Variants in PLD5 observed in about 807,000 individuals in gnomAD.
PLD5 encodes the protein inactive phospholipase D5.
A neutral mutation model predicts 61.1 loss-of-function variants in PLD5; 36 were observed. That is an observed-to-expected ratio of 0.59 (90% CI 0.45 to 0.78). The LOEUF is 0.78. PLD5 is among the 30% of genes least tolerant of loss of function. PLD5 has a pLI of 0.00. For missense variants in PLD5, 515 were observed against 644.4 expected (o/e 0.80, Z 2.17); for synonymous variants, 243 against 242.8 (o/e 1.00, Z -0.01).
chr1:242,159,226 T>C (rs1012526801), intron 5 of PLD5, among the ~76,000 whole-genome samples: 1 of 152,152 alleles, frequency 6.6e-6, no homozygotes, highest in African/African-American at 2.4e-5. Flanking sequence ...GTGTTGGATA[T>C]AGAAAGGTAA....
chr1:242,426,891 G>A (rs747101529), intron 1 of PLD5, among the ~76,000 whole-genome samples: 5 of 152,128 alleles, frequency 3.3e-5, no homozygotes, highest in Non-Finnish European at 5.9e-5. Context: ...AGTGATGTGC[G>A]CCACCACCAG....
chr1:242,367,124 T>TA (rs1452508564), intron 1 of PLD5, among the ~76,000 whole-genome samples: 1 of 152,036 alleles, frequency 6.6e-6, no homozygotes, highest in African/African-American at 2.4e-5. Flanking sequence ...CCCCATCTTA[T>TA]AAAAAAATTC....
intron 1 of PLD5, among the ~76,000 whole-genome samples, chr1:242,466,690 C>T (rs1057137321): frequency 1.3e-4 from 20 of 152,118 alleles, no homozygotes; most frequent in South Asian, 4.2e-4. Context: ...TTAAGGAGTT[C>T]GAGACCAGCC....
intron 4 of PLD5, among the ~76,000 whole-genome samples, chr1:242,264,458 T>G (rs1341978993): frequency 3.3e-5 from 5 of 152,230 alleles, no homozygotes; most frequent in Non-Finnish European, 7.3e-5. Context: ...GAAGGGCCGC[T>G]GGGGCTCACT....
chr1:242,300,578 G>T (rs558663689), intron 2 of PLD5, among the ~76,000 whole-genome samples: 1 of 152,136 alleles, frequency 6.6e-6, no homozygotes, highest in Admixed American at 6.5e-5. Flanking sequence ...GAGTTGGGGG[G>T]ACGGCAAAGG....
At chr1:242,168,864 T>C (rs1666531930) in intron 5 of PLD5, among the ~76,000 whole-genome samples, 1 of 142,010 alleles carries the variant, frequency 7.0e-6, no homozygotes, top group African/African-American at 2.5e-5. Flanking sequence ...TTTTTTTTTT[T>C]TTACCACCCC....
intron 1 of PLD5, among the ~76,000 whole-genome samples, chr1:242,381,311 C>T (rs1375943639): frequency 6.6e-6 from 1 of 152,136 alleles, no homozygotes; most frequent in South Asian, 2.1e-4. Flanking sequence ...GAAAACCAAA[C>T]ACCGCATGTT....
chr1:242,510,745 C>T (rs1329396987), intron 1 of PLD5, among the ~76,000 whole-genome samples: 4 of 151,326 alleles, frequency 2.6e-5, no homozygotes, highest in South Asian at 2.1e-4. Flanking sequence ...CTCAGGAGGC[C>T]GAGGCAGGAG....
chr1:242,151,447 G>A (rs1038592605), intron 5 of PLD5, among the ~76,000 whole-genome samples: 8 of 151,806 alleles, frequency 5.3e-5, no homozygotes, highest in African/African-American at 7.3e-5. Context: ...GGGTGGACAC[G>A]GAGTTTTTTC....
At chr1:242,328,489 T>C (rs1462397748) in intron 2 of PLD5, among the ~76,000 whole-genome samples, 1 of 152,178 alleles carries the variant, frequency 6.6e-6, no homozygotes, top group Non-Finnish European at 1.5e-5. Flanking sequence ...TACATATTTA[T>C]GTGTTCTACA....
At chr1:242,472,781 C>T (rs1667482083) in intron 1 of PLD5, among the ~76,000 whole-genome samples, 1 of 152,106 alleles carries the variant, frequency 6.6e-6, no homozygotes, top group Non-Finnish European at 1.5e-5. Context: ...TCTTGGTTAA[C>T]AGTCTCTACT....
intron 5 of PLD5, among the ~76,000 whole-genome samples, chr1:242,197,424 C>T (rs1464979252): frequency 6.6e-6 from 1 of 152,142 alleles, no homozygotes; most frequent in African/African-American, 2.4e-5. Context: ...CTTCTGTCTC[C>T]ACTCATAGTT....
At chr1:242,456,285 C>T (rs1042785741) in intron 1 of PLD5, among the ~76,000 whole-genome samples, 1 of 152,014 alleles carries the variant, frequency 6.6e-6, no homozygotes, top group Non-Finnish European at 1.5e-5. Context: ...CCACTGGCTA[C>T]AGGTGACGAT....
intron 5 of PLD5, among the ~76,000 whole-genome samples, chr1:242,162,863 G>T (rs1413550150): frequency 2.6e-5 from 4 of 152,106 alleles, no homozygotes; most frequent in African/African-American, 9.7e-5. Flanking sequence ...TTGGGGTGGA[G>T]GGTAGATGGT....
intron 8 of PLD5, among the ~76,000 whole-genome samples, chr1:242,106,449 C>A (rs944655358): frequency 2.0e-5 from 3 of 152,148 alleles, no homozygotes; most frequent in African/African-American, 7.2e-5. Flanking sequence ...AACTTCAGAC[C>A]ATGATGATTC....
At chr1:242,110,943 A>C (rs1029829448) in intron 7 of PLD5, among the ~76,000 whole-genome samples, 4 of 152,338 alleles carry the variant, frequency 2.6e-5, no homozygotes, top group African/African-American at 9.6e-5. Context: ...GATATATTTT[A>C]TGTGACTGAA....
In PLD5 at chr1:242,524,222, G is replaced by T. The variant is rs994067169; in HGVS notation, c.55C>A (p.Gln19Lys). Residue 19 changes from glutamine to lysine, a missense_variant, in exon 1 of 10, where the codon CAG (glutamine) becomes AAG (lysine). Gln to Lys is a moderately conservative substitution (Grantham distance 53, BLOSUM62 1). Transcript: ENST00000536534. Reference protein sequence around the residue: ...LSASPHEGFEQMRLKSRPKEP... With the variant: ...LSASPHEGFEKMRLKSRPKEP... ...TTGGGGCGGCTTTTGAGCCTCATCT[G>T]CTCGAAGCCCTCATGGGGGGAGGCC... is the stretch of plus-strand genomic sequence containing the variant. The T allele has an allele frequency of 1.3e-5, 20 of 1,529,858 alleles. No homozygotes were observed. Among genetic ancestry groups the T allele is most frequent in the Non-Finnish European group, 1.7e-5 (20 of 1,143,984 alleles). 94.8% of individuals were successfully genotyped at this position (1,529,858 alleles called of 1,614,324 possible). A position where few individuals can be genotyped will look rare whatever the true frequency, so the allele number is the denominator to read the frequency against.
chr1:242,270,233 C>T (rs368629601), intron 3 of PLD5, among the ~76,000 whole-genome samples: 2 of 150,508 alleles, frequency 1.3e-5, no homozygotes, highest in African/African-American at 4.9e-5. Context: ...CGGGGCTCCA[C>T]AGAACACAGA....
At chr1:242,323,137 GCTTT>G (rs1558463974) in intron 2 of PLD5, among the ~76,000 whole-genome samples, 1 of 151,876 alleles carries the variant, frequency 6.6e-6, no homozygotes, top group Non-Finnish European at 1.5e-5. Context: ...AAAAAGAAAT[GCTTT>G]ATTCTTTAAT....
Sources: gnomAD v4.1 joint callset for allele counts (sites outside exome capture counted in the v4.1 genomes callset) on GRCh38, gnomAD v4.1.1 for gene constraint, MANE v1.5 for transcripts, NCBI Gene and HGNC (gene_info 2026-07-23, HGNC 2026-07-21) for gene names.